GLT8D2: variants seen among roughly 807,000 people sequenced by gnomAD.
GLT8D2 encodes glycosyltransferase 8 domain containing 2, also known as glycosyltransferase 8 domain-containing protein 2.
In GLT8D2, 45 loss-of-function variants were observed where a neutral mutation model predicts 44.5. That is an observed-to-expected ratio of 1.01 (90% CI 0.80 to 1.30). The LOEUF is 1.30. GLT8D2 is among the 50% of genes most tolerant of loss of function. GLT8D2 has a pLI of 0.00. For synonymous variants in GLT8D2, 156 were observed against 157.2 expected (o/e 0.99, Z 0.06); for missense variants, 400 against 430.4 (o/e 0.93, Z 0.62).
chr12:104,039,048 G>A lies in GLT8D2; in HGVS notation c.-164+10847C>T, dbSNP rs1485052140. On this transcript the variant is annotated intron_variant, in intron 1 of 10. Transcript: ENST00000360814. Reference sequence around the variant, plus strand: ...TGACAAAAACAAGAAATAGGGAAAGGATTCCCTATTTATTAAATGGTGATG... The same window carrying A: ...TGACAAAAACAAGAAATAGGGAAAGAATTCCCTATTTATTAAATGGTGATG... Among the ~76,000 whole-genome samples, 3 of 151,980 alleles carry A rather than the reference G, an allele frequency of 2.0e-5. No homozygotes were observed. In the South Asian group the frequency reaches 6.2e-4, roughly 32 times the overall value.
chr12:104,055,736 T>A (rs532405254), intron 1 of GLT8D2, among the ~76,000 whole-genome samples: 1 of 152,366 alleles, frequency 6.6e-6, no homozygotes, highest in Non-Finnish European at 1.5e-5. Context: ...TTAGATAAGG[T>A]CCTAGATAAA....
chr12:104,046,171 G>A (rs771671976), intron 1 of GLT8D2, among the ~76,000 whole-genome samples: 10 of 152,162 alleles, frequency 6.6e-5, no homozygotes, highest in Admixed American at 2.6e-4. Flanking sequence ...ATCCTAATTA[G>A]CTGTGTAATC....
chr12:104,000,421 A>G (rs1874046618), intron 5 of GLT8D2, among the ~76,000 whole-genome samples: 2 of 152,230 alleles, frequency 1.3e-5, no homozygotes, highest in South Asian at 4.1e-4. Flanking sequence ...TTGATTTTAT[A>G]CTAAGTGTTA....
intron 4 of GLT8D2, 36 bp downstream of exon 4, chr12:104,014,977 G>C (rs1185351352): frequency 1.4e-6 from 2 of 1,442,330 alleles, no homozygotes; most frequent in African/African-American, 1.4e-5. Flanking sequence ...CCACATTCCT[G>C]GGTATCCCAA....
At chr12:104,001,185 T>C (rs1325114329) in intron 5 of GLT8D2, among the ~76,000 whole-genome samples, 1 of 152,242 alleles carries the variant, frequency 6.6e-6, no homozygotes, top group Non-Finnish European at 1.5e-5. Flanking sequence ...CTTAACAATA[T>C]GCCTTGGGAA....
At chr12:103,994,898 C>T (rs1873215591) in intron 8 of GLT8D2, among the ~76,000 whole-genome samples, 1 of 152,162 alleles carries the variant, frequency 6.6e-6, no homozygotes. Flanking sequence ...GATCCCAATC[C>T]TATCCCAAAC....
chr12:104,012,776 A>C, intron 4 of GLT8D2: 1 of 695,306 alleles, frequency 1.4e-6, no homozygotes, highest in Non-Finnish European at 2.6e-6. Flanking sequence ...AAAGGCAAAT[A>C]AGTTAAAATG....
Position 104,016,730 on chromosome 12 carries a change from A to G in GLT8D2, c.20-1625T>C, listed in dbSNP as rs887169731. ...GAGAGAGAAAGAAAGAAAGAAAGAA[A>G]GAAAGAAAGAAAGAAAGAAAGAAAG... On this transcript the variant is annotated intron_variant, in intron 3 of 10. Coordinates refer to ENST00000360814, the MANE Select transcript of GLT8D2 (RefSeq NM_001384711.1). Among the ~76,000 whole-genome samples, 7 of 74,974 alleles carry G rather than the reference A, an allele frequency of 9.3e-5. 1 individual carries two copies. The South Asian group carries it at 3.3e-3, about 35-fold the overall frequency. 49.2% of individuals were successfully genotyped at this position (74,974 alleles called of 152,430 possible). A position where few individuals can be genotyped will look rare whatever the true frequency, so the allele number is the denominator to read the frequency against.
At chr12:104,003,091 G>A in intron 5 of GLT8D2, 44 bp downstream of exon 5, 1 of 1,512,654 alleles carries the variant, frequency 6.6e-7, no homozygotes, top group Non-Finnish European at 9.1e-7. Flanking sequence ...AAGGAGAGAG[G>A]GGAAGGAAAC....
chr12:104,003,405 T>G (rs1365510676), intron 4 of GLT8D2, 99 bp from the exon 5 acceptor site: 13 of 989,892 alleles, frequency 1.3e-5, no homozygotes, highest in Non-Finnish European at 1.8e-5. Context: ...TGGCATAGTG[T>G]GGAAGAGACT....
chr12:104,002,333 A>AT (rs1200361061), intron 5 of GLT8D2, among the ~76,000 whole-genome samples: 4 of 152,116 alleles, frequency 2.6e-5, no homozygotes, highest in Admixed American at 6.5e-5. Context: ...TCCTATGCCC[A>AT]TTTTTTAACC....
chr12:104,016,678 G>T, intron 3 of GLT8D2, among the ~76,000 whole-genome samples: 1 of 82,698 alleles, frequency 1.2e-5, no homozygotes, highest in South Asian at 3.6e-4. Context: ...GAGAGAGAGA[G>T]AAAGAAAAGA....
At chr12:104,027,212 A>T (rs2723867) in intron 1 of GLT8D2, among the ~76,000 whole-genome samples, 52,257 of 152,128 alleles carry the variant, frequency 0.34, 9,242 homozygotes, top group African/African-American at 0.39. Flanking sequence ...TGGAAAAGAA[A>T]TGGGTCAAAA....
chr12:104,046,753 T>G (rs1881188265), intron 1 of GLT8D2, among the ~76,000 whole-genome samples: 1 of 152,136 alleles, frequency 6.6e-6, no homozygotes, highest in Admixed American at 6.5e-5. Context: ...TAACAAAATA[T>G]CTCTTGCCTT....
upstream of GLT8D2, among the ~76,000 whole-genome samples, chr12:104,051,264 G>A (rs1403887201): frequency 6.6e-6 from 1 of 151,828 alleles, no homozygotes; most frequent in African/African-American, 2.4e-5. Flanking sequence ...GAGATTACAG[G>A]TGCACATCAC....
intron 1 of GLT8D2, among the ~76,000 whole-genome samples, chr12:104,042,909 A>G (rs147224487): frequency 9.8e-5 from 15 of 152,316 alleles, no homozygotes; most frequent in East Asian, 1.9e-4. Flanking sequence ...GGTAGAGTAA[A>G]AGGCAGAGAT....
At chr12:104,061,112 G>A (rs1185490989) in intron 1 of GLT8D2, among the ~76,000 whole-genome samples, 1 of 152,130 alleles carries the variant, frequency 6.6e-6, no homozygotes, top group Non-Finnish European at 1.5e-5. Flanking sequence ...CAGCCCTACT[G>A]ACACTTTGAT....
intron 1 of GLT8D2, among the ~76,000 whole-genome samples, chr12:104,021,940 A>G (rs1877808038): frequency 4.6e-5 from 1 of 21,634 alleles, no homozygotes; most frequent in African/African-American, 1.7e-4. Flanking sequence ...GAAGAAGAAG[A>G]AGAAGAAGAA....
chr12:104,040,426 A>T (rs567871458), intron 1 of GLT8D2, among the ~76,000 whole-genome samples: 1 of 152,258 alleles, frequency 6.6e-6, no homozygotes, highest in East Asian at 1.9e-4. Flanking sequence ...ATTGAAAAAA[A>T]AATGTTTTTT....
Sources: allele counts gnomAD v4.1 joint callset (sites outside exome capture counted in the v4.1 genomes callset), GRCh38; gene constraint gnomAD v4.1.1; transcripts MANE v1.5; gene names NCBI Gene and HGNC (gene_info 2026-07-23, HGNC 2026-07-21).